The following ADAMTS17 variants were observed in gnomAD, a reference collection of about 807,000 sequenced individuals.
ADAMTS17 encodes the protein ADAM metallopeptidase with thrombospondin type 1 motif 17.
In ADAMTS17, 113 loss-of-function variants were observed where a neutral mutation model predicts 141.5. That is an observed-to-expected ratio of 0.80 (90% CI 0.69 to 0.93). The LOEUF (loss-of-function observed/expected upper bound fraction) is 0.93, where lower values mean the gene tolerates loss of function less well. ADAMTS17 is among the 40% of genes least tolerant of loss of function. ADAMTS17 has a pLI of 0.00. For missense variants in ADAMTS17, 1,659 were observed against 1,517.9 expected (o/e 1.09, Z -1.54); for synonymous variants, 768 against 630.6 (o/e 1.22, Z -3.27).
intron 18 of ADAMTS17, among the ~76,000 whole-genome samples, chr15:100,026,036 C>T (rs1342485450): frequency 6.6e-6 from 1 of 152,144 alleles, no homozygotes; most frequent in East Asian, 1.9e-4. Context: ...AGAAAAGGAA[C>T]ATTACCAGAA....
At chr15:100,288,409 G>A (rs1427221547) in intron 3 of ADAMTS17, among the ~76,000 whole-genome samples, 1 of 152,082 alleles carries the variant, frequency 6.6e-6, no homozygotes, top group Non-Finnish European at 1.5e-5. Context: ...ATAATACATA[G>A]TAACAGCTGG....
At chr15:100,307,755 G>A (rs958569785) in intron 3 of ADAMTS17, among the ~76,000 whole-genome samples, 1 of 152,156 alleles carries the variant, frequency 6.6e-6, no homozygotes, top group Non-Finnish European at 1.5e-5. Context: ...TGTGGCTGGC[G>A]TCCTCCACAA....
At chr15:100,233,238 G>A (rs192212779) in intron 7 of ADAMTS17, among the ~76,000 whole-genome samples, 2 of 151,938 alleles carry the variant, frequency 1.3e-5, no homozygotes, top group East Asian at 1.9e-4. Context: ...GCTGAGGCAG[G>A]AGAATCGCTT....
intron 8 of ADAMTS17, among the ~76,000 whole-genome samples, chr15:100,196,538 A>G (rs1318160222): frequency 6.6e-6 from 1 of 152,268 alleles, no homozygotes; most frequent in African/African-American, 2.4e-5. Flanking sequence ...TGCTGTGTGC[A>G]AAGGCACACA....
intron 12 of ADAMTS17, among the ~76,000 whole-genome samples, chr15:100,120,772 T>A (rs1043013848): frequency 8.5e-5 from 13 of 152,278 alleles, no homozygotes; most frequent in African/African-American, 3.1e-4. Context: ...CTAGAGTTAC[T>A]GCATTCTAAG....
intron 10 of ADAMTS17, among the ~76,000 whole-genome samples, chr15:100,134,219 T>C (rs1268425303): frequency 6.6e-6 from 1 of 152,130 alleles, no homozygotes; most frequent in Non-Finnish European, 1.5e-5. Flanking sequence ...CAGAGGGTCC[T>C]GGGGGGGATG....
At chr15:100,283,691 C>G (rs1181533761) in intron 3 of ADAMTS17, among the ~76,000 whole-genome samples, 1 of 152,168 alleles carries the variant, frequency 6.6e-6, no homozygotes, top group African/African-American at 2.4e-5. Context: ...CTAGCAGGGC[C>G]CACAGGACAC....
intron 7 of ADAMTS17, among the ~76,000 whole-genome samples, chr15:100,252,279 C>CTGCA (rs373851190): frequency 1.3e-5 from 2 of 152,258 alleles, no homozygotes; most frequent in African/African-American, 4.8e-5. Flanking sequence ...GTCCCTTCAC[C>CTGCA]TGCATTCATT....
chr15:100,051,024 T>C (rs28757578), intron 17 of ADAMTS17, among the ~76,000 whole-genome samples: 48,170 of 152,016 alleles, frequency 0.32, 8,747 homozygotes, highest in East Asian at 0.49. Flanking sequence ...GAGACAACCA[T>C]CCTATTTCAG....
intron 20 of ADAMTS17, among the ~76,000 whole-genome samples, chr15:99,981,484 G>A (rs1365747977): frequency 6.6e-6 from 1 of 152,220 alleles, no homozygotes; most frequent in African/African-American, 2.4e-5. Flanking sequence ...TGTTCACACA[G>A]CTGTGGGCTA....
At chr15:100,025,385 T>C (rs960905712) in intron 18 of ADAMTS17, among the ~76,000 whole-genome samples, 1 of 151,774 alleles carries the variant, frequency 6.6e-6, no homozygotes, top group African/African-American at 2.4e-5. Flanking sequence ...GTGAGCCAAT[T>C]TGACAATCTT....
At chr15:100,236,606 G>A (rs986032297) in intron 7 of ADAMTS17, among the ~76,000 whole-genome samples, 3 of 152,214 alleles carry the variant, frequency 2.0e-5, no homozygotes, top group African/African-American at 7.2e-5. Flanking sequence ...GGGAGGCTGA[G>A]ACAGGAGGAT....
At chr15:100,335,541 C>T (rs2046182857) in intron 2 of ADAMTS17, among the ~76,000 whole-genome samples, 1 of 152,218 alleles carries the variant, frequency 6.6e-6, no homozygotes. Flanking sequence ...TCTCTCTGAG[C>T]CTTGCTGGGC....
At chr15:100,268,097 AG>A (rs1318736711) in intron 4 of ADAMTS17, among the ~76,000 whole-genome samples, 1 of 151,088 alleles carries the variant, frequency 6.6e-6, no homozygotes, top group Non-Finnish European at 1.5e-5. Flanking sequence ...AATGGCCTTT[AG>A]CTGTATCCAT....
rs1346826041 is a variant in ADAMTS17 at position 100,168,129 on chromosome 15, T to C, written c.1182-12809A>G. ...CTTCCTCAGGCCCCACTGTATCTGT[T>C]AGAGGCAGGTGTGCAGACAGGGAGG... On this transcript the variant is annotated intron_variant, in intron 8 of 21. Transcript: ENST00000268070. 2.6e-5 allele frequency among the ~76,000 whole-genome samples: 4 copies of C among 152,166 alleles called. 1 individual carries two copies. The highest frequency in any genetic ancestry group is 7.2e-5 in the African/African-American group (3 of 41,444).
intron 7 of ADAMTS17, among the ~76,000 whole-genome samples, chr15:100,232,598 C>G (rs1188036242): frequency 2.0e-5 from 3 of 152,240 alleles, no homozygotes; most frequent in Non-Finnish European, 4.4e-5. Flanking sequence ...GAAGGTCTCA[C>G]GCTGGGCAGC....
At chr15:100,307,097 T>C (rs1487652063) in intron 3 of ADAMTS17, among the ~76,000 whole-genome samples, 3 of 152,190 alleles carry the variant, frequency 2.0e-5, no homozygotes, top group Admixed American at 6.5e-5. Context: ...CTAAGAGGGC[T>C]TCTAGAGTTT....
intron 12 of ADAMTS17, chr15:100,128,514 G>A (rs1051360231): frequency 1.3e-5 from 2 of 152,160 alleles, no homozygotes; most frequent in Non-Finnish European, 2.9e-5. Flanking sequence ...TCTGTGTACC[G>A]AGGCCCTGCA....
rs116225475 is a variant in ADAMTS17 at position 100,306,424 on chromosome 15, C to T, written c.616+24465G>A. On this transcript the variant is annotated intron_variant, in intron 3 of 21. Coordinates refer to ENST00000268070, the MANE Select transcript of ADAMTS17 (RefSeq NM_139057.4). ...AGTATGTCTGCCACCAAGGTATGGA[C>T]GCCAAGCTGCAGAGGCCACAGGTAG... 4.8e-3 allele frequency: 2,186 copies of T among 454,102 alleles called. 29 individuals are homozygous for T. The highest frequency in any genetic ancestry group is 0.039 in the African/African-American group (1,945 of 50,060). The allele number at this position is 454,102 out of a possible 1,614,324, so 28.1% of individuals were successfully genotyped here. A position where few individuals can be genotyped will look rare whatever the true frequency, so the allele number is the denominator to read the frequency against.
Sources: gnomAD v4.1 joint callset for allele counts (sites outside exome capture counted in the v4.1 genomes callset) on GRCh38, gnomAD v4.1.1 for gene constraint, MANE v1.5 for transcripts, NCBI Gene and HGNC (gene_info 2026-07-23, HGNC 2026-07-21) for gene names.